FGF13: variants seen among roughly 807,000 people sequenced by gnomAD.
FGF13 encodes the protein fibroblast growth factor 13.
A neutral mutation model predicts 19.5 loss-of-function variants in FGF13; 2 were observed. The ratio of observed to expected loss-of-function variants is 0.10; its 90% CI spans 0.04 to 0.32. The LOEUF (loss-of-function observed/expected upper bound fraction) is 0.32. FGF13 is among the 10% of genes least tolerant of loss of function. The probability of loss-of-function intolerance (pLI) is 1.00; values close to 1 mark genes in which losing one functional copy is unlikely to be tolerated. For synonymous variants in FGF13, 72 were observed against 76.9 expected, an observed-to-expected ratio of 0.94 and a Z score of 0.33; for missense variants, 113 against 192.7, an observed-to-expected ratio of 0.59 and a Z score of 2.45.
At chrX:138,821,129 T>C (rs1486558378) in intron 3 of FGF13, among the ~76,000 whole-genome samples, 1 of 111,182 alleles carries the variant, frequency 9.0e-6, no homozygotes, top group Non-Finnish European at 1.9e-5. Flanking sequence ...ACAAAGAGGC[T>C]AGATAGGAGA....
At chrX:138,911,746 A>G (rs1489909489) in intron 1 of FGF13, among the ~76,000 whole-genome samples, 1 of 112,091 alleles carries the variant, frequency 8.9e-6, no homozygotes, top group African/African-American at 3.2e-5. Flanking sequence ...TATCACAGGC[A>G]GCTAATAATT....
At chrX:139,158,306 G>A (rs1054446829) in intron 1 of FGF13, among the ~76,000 whole-genome samples, 1 of 110,588 alleles carries the variant, frequency 9.0e-6, no homozygotes, top group African/African-American at 3.3e-5. Context: ...GGAGCCAAGT[G>A]GTCTAGCTCA....
At chrX:138,929,978 C>A (rs757518236) in intron 1 of FGF13, among the ~76,000 whole-genome samples, 83 of 110,482 alleles carry the variant, frequency 7.5e-4, no homozygotes, top group African/African-American at 2.3e-3. Flanking sequence ...ATTTCTAGTA[C>A]TATCTTTGCC....
At chrX:139,103,520 G>A (rs1305291941) in intron 1 of FGF13, among the ~76,000 whole-genome samples, 2 of 111,826 alleles carry the variant, frequency 1.8e-5, no homozygotes, top group Non-Finnish European at 3.8e-5. Context: ...GGCTGGTGGG[G>A]AGGGAAGTCA....
At chrX:138,946,816 T>A (rs1320457883) in intron 1 of FGF13, among the ~76,000 whole-genome samples, 7 of 112,410 alleles carry the variant, frequency 6.2e-5, no homozygotes, top group East Asian at 2.8e-4. Flanking sequence ...AAGAGCATCC[T>A]AAAATGTGTC....
At chrX:139,100,410 T>C (rs777530952) in intron 1 of FGF13, among the ~76,000 whole-genome samples, 2 of 105,187 alleles carry the variant, frequency 1.9e-5, no homozygotes, top group East Asian at 3.1e-4. Context: ...AGGAGAAGAG[T>C]AGAGACGATA....
intron 1 of FGF13, among the ~76,000 whole-genome samples, chrX:138,866,651 T>A (rs2091325799): frequency 9.1e-6 from 1 of 110,422 alleles, no homozygotes; most frequent in South Asian, 3.9e-4. Flanking sequence ...TCCTCAACCA[T>A]AAGATGAGAT....
chrX:138,837,328 C>T (rs2124101361), intron 3 of FGF13, among the ~76,000 whole-genome samples: 1 of 111,614 alleles, frequency 9.0e-6, no homozygotes, highest in African/African-American at 3.3e-5. Context: ...GAGCTGCATC[C>T]CAGGGAGAGC....
intron 3 of FGF13, among the ~76,000 whole-genome samples, chrX:138,659,269 A>C (rs2089466410): frequency 8.9e-6 from 1 of 112,403 alleles, no homozygotes; most frequent in Non-Finnish European, 1.9e-5. Context: ...CAGGAGCTGG[A>C]GTCCAGTCTG....
downstream of FGF13, among the ~76,000 whole-genome samples, chrX:138,855,520 G>A (rs1171899845): frequency 9.0e-6 from 1 of 111,521 alleles, no homozygotes; most frequent in African/African-American, 3.3e-5. Flanking sequence ...CTGGAAGGAG[G>A]GCAAGACTGA....
intron 1 of FGF13, among the ~76,000 whole-genome samples, chrX:139,016,177 CTTCT>C (rs763393062): frequency 8.1e-5 from 9 of 111,553 alleles, no homozygotes; most frequent in South Asian, 3.7e-4. Flanking sequence ...CAATTTTTTT[CTTCT>C]TTGAGTTTAG....
chrX:139,087,810 G>A (rs1404857054), intron 1 of FGF13, among the ~76,000 whole-genome samples: 1 of 112,140 alleles, frequency 8.9e-6, no homozygotes, highest in African/African-American at 3.2e-5. Context: ...AACCCAGCTA[G>A]ATTGTTTATT....
In FGF13 at chrX:139,087,989, T is replaced by C. The variant is rs142600461; in HGVS notation, c.-113+115427A>G. Reference sequence around the variant, plus strand: ...TCTCCTATTTGGAATCAGAGGAGCATTGACATGAGGGAGGCAGCAAGGACC... The same window carrying C: ...TCTCCTATTTGGAATCAGAGGAGCACTGACATGAGGGAGGCAGCAAGGACC... On this transcript the variant is annotated intron_variant, in intron 1 of 2. Transcript: ENST00000421460. Among the ~76,000 whole-genome samples the C allele has an allele frequency of 6.1e-3, 683 of 112,093 alleles. 4 individuals carry two copies. The highest frequency in any genetic ancestry group is 0.021 in the African/African-American group (657 of 30,847).
rs915349120 is a variant in FGF13, at chrX:139,176,946, T to A, written c.-113+26470A>T. On this transcript the variant is annotated intron_variant, in intron 1 of 2. Coordinates refer to the FGF13 transcript ENST00000421460. Reference sequence around the variant, plus strand: ...TAGGTCTGCTTCGTCCAGAGCTGAGTTTGAGTCCTGAATATCCTTGTGAAT... The same window carrying A: ...TAGGTCTGCTTCGTCCAGAGCTGAGATTGAGTCCTGAATATCCTTGTGAAT... Among the ~76,000 whole-genome samples, 13 of 111,798 alleles carry A rather than the reference T, an allele frequency of 1.2e-4. No individual in the cohort carries two copies. The East Asian group carries it at 1.4e-3, about 12-fold the overall frequency.
chrX:138,705,127 C>T (rs756268486), intron 2 of FGF13, among the ~76,000 whole-genome samples: 1 of 112,004 alleles, frequency 8.9e-6, no homozygotes, highest in African/African-American at 3.2e-5. Context: ...CACTACATAC[C>T]ACTTGACAAC....
At chrX:139,078,229 C>G (rs1023119674) in intron 1 of FGF13, among the ~76,000 whole-genome samples, 2 of 109,441 alleles carry the variant, frequency 1.8e-5, no homozygotes, top group Admixed American at 2.0e-4. Flanking sequence ...TGTGAAATAA[C>G]CCATCCATGT....
At chrX:138,983,880 G>A (rs987698211) in intron 1 of FGF13, among the ~76,000 whole-genome samples, 11 of 72,547 alleles carry the variant, frequency 1.5e-4, no homozygotes. Context: ...TATGAAAGAT[G>A]ATTAAGTTCT....
intron 1 of FGF13, among the ~76,000 whole-genome samples, chrX:138,920,343 G>A (rs771691107): frequency 1.2e-4 from 13 of 110,321 alleles, no homozygotes; most frequent in African/African-American, 2.6e-4. Flanking sequence ...AGTTTTTTTC[G>A]TAAGATTGAT....
intron 1 of FGF13, among the ~76,000 whole-genome samples, chrX:138,883,811 C>A (rs763221156): frequency 8.9e-6 from 1 of 111,741 alleles, no homozygotes; most frequent in South Asian, 3.8e-4. Flanking sequence ...ACTACCTCAG[C>A]AAATTATTTG....
Sources: allele counts gnomAD v4.1 joint callset (sites outside exome capture counted in the v4.1 genomes callset), GRCh38; gene constraint gnomAD v4.1.1; transcripts MANE v1.5; gene names NCBI Gene and HGNC (gene_info 2026-07-23, HGNC 2026-07-21).